Variants in SYNE1 observed in about 807,000 individuals in gnomAD.
SYNE1 encodes the protein spectrin repeat containing nuclear envelope protein 1, also known as nesprin-1.
Under a neutral mutation model 1,111.0 loss-of-function variants are expected in SYNE1, and 616 were observed. The ratio of observed to expected loss-of-function variants is 0.55; its 90% CI spans 0.52 to 0.59. SYNE1 has a LOEUF of 0.59. SYNE1 is among the 20% of genes least tolerant of loss of function. SYNE1 has a pLI of 0.00. For synonymous variants in SYNE1, 3,855 were observed against 3,825.8 expected (o/e 1.01, Z -0.28); for missense variants, 10,006 against 10,417.0 (o/e 0.96, Z 1.72).
At chr6:152,231,802 G>GTATATA (rs10668582) in intron 113 of SYNE1, among the ~76,000 whole-genome samples, 1 of 149,518 alleles carries the variant, frequency 6.7e-6, no homozygotes, top group African/African-American at 2.5e-5. Flanking sequence ...GTGTGTGTGT[G>GTATATA]TATATATATA....
At chr6:152,572,708 A>G (rs1390306254) in intron 3 of SYNE1, among the ~76,000 whole-genome samples, 1 of 152,208 alleles carries the variant, frequency 6.6e-6, no homozygotes, top group Admixed American at 6.5e-5. Flanking sequence ...GATGAAGAGT[A>G]ACTTAAAAAG....
At chr6:152,262,658 C>T (rs1282931239) in intron 100 of SYNE1, among the ~76,000 whole-genome samples, 2 of 151,044 alleles carry the variant, frequency 1.3e-5, no homozygotes, top group Non-Finnish European at 2.9e-5. Flanking sequence ...GAGGAAGGAT[C>T]GTACAGGACC....
chr6:152,472,158 C>T, intron 15 of SYNE1, 143 bp downstream of exon 15: 2 of 686,070 alleles, frequency 2.9e-6, no homozygotes, highest in South Asian at 1.8e-5. Flanking sequence ...GCATTCTTAG[C>T]ATGTCTTATG....
intron 3 of SYNE1, among the ~76,000 whole-genome samples, chr6:152,625,928 G>A (rs565174685): frequency 6.6e-6 from 1 of 152,160 alleles, no homozygotes; most frequent in African/African-American, 2.4e-5. Context: ...TTCTGAGAGG[G>A]GCTAAGCAGA....
At chr6:152,269,962 C>T (rs1444326821) in intron 98 of SYNE1, among the ~76,000 whole-genome samples, 4 of 152,172 alleles carry the variant, frequency 2.6e-5, no homozygotes, top group Non-Finnish European at 4.4e-5. Flanking sequence ...GCCGGCTGGA[C>T]ATCCTCTGTT....
chr6:152,526,844 G>A (rs1564645494), intron 4 of SYNE1, among the ~76,000 whole-genome samples: 4 of 152,118 alleles, frequency 2.6e-5, no homozygotes, highest in Admixed American at 2.0e-4. Flanking sequence ...ATCTATCATC[G>A]CTGCTGGAAA....
At chr6:152,591,497 A>G (rs2099565641) in intron 3 of SYNE1, among the ~76,000 whole-genome samples, 1 of 152,236 alleles carries the variant, frequency 6.6e-6, no homozygotes, top group Non-Finnish European at 1.5e-5. Flanking sequence ...TTCACCATAT[A>G]CAAAAATTAA....
intron 87 of SYNE1, among the ~76,000 whole-genome samples, chr6:152,314,187 T>C (rs903704194): frequency 6.6e-6 from 1 of 152,226 alleles, no homozygotes; most frequent in Non-Finnish European, 1.5e-5. Flanking sequence ...AGTCTGAACT[T>C]GTCCTTTGCA....
At chr6:152,347,775 G>C (rs1042330259) in intron 72 of SYNE1, among the ~76,000 whole-genome samples, 7 of 150,614 alleles carry the variant, frequency 4.6e-5, no homozygotes, top group African/African-American at 1.7e-4. Flanking sequence ...CCACCTCCCA[G>C]GTTCTAGCAA....
At chr6:152,615,204 T>C (rs2099642487) in intron 3 of SYNE1, among the ~76,000 whole-genome samples, 1 of 152,196 alleles carries the variant, frequency 6.6e-6, no homozygotes, top group Admixed American at 6.6e-5. Context: ...AAGTGTCACC[T>C]AGGAAGCTAT....
At chr6:152,336,210 C>T (rs1459470170) in intron 76 of SYNE1, 6 of 158,364 alleles carry the variant, frequency 3.8e-5, no homozygotes, top group African/African-American at 1.4e-4. Flanking sequence ...AAGCAGTCTA[C>T]TCTGTAGACT....
At chr6:152,343,809 TC>T (rs1411144635) in intron 74 of SYNE1, among the ~76,000 whole-genome samples, 1 of 151,530 alleles carries the variant, frequency 6.6e-6, no homozygotes, top group African/African-American at 2.4e-5. Flanking sequence ...CTCAAGTGAT[TC>T]GCCCGTTTTG....
At chr6:152,323,073 C>A (rs918639415) in intron 82 of SYNE1, among the ~76,000 whole-genome samples, 1 of 152,120 alleles carries the variant, frequency 6.6e-6, no homozygotes. Flanking sequence ...GTGATGGGAA[C>A]GGATCCCCAC....
chr6:152,416,652 T>C lies in SYNE1; in HGVS notation c.5785A>G (p.Ile1929Val), dbSNP rs776844224. The C allele has an allele frequency of 6.2e-7, 1 of 1,614,226 alleles. No individual in the cohort carries two copies. The change falls in exon 41 of 146, where the codon ATT becomes GTT. Residue 1929 changes from isoleucine to valine, a missense_variant. Ile to Val is a conservative substitution (Grantham distance 29, BLOSUM62 3). Around this residue, in one of 7 missense-constraint regions of SYNE1, gnomAD observed 4,955 missense variants for 5,017.2 expected, o/e 0.99. Transcript: ENST00000367255. ...AGATGGTATTGGGCTTTGGAAAGAA[T>C]GCCATCCAGACTGACGGCAGCAGAT... Reference protein sequence around the residue: ...LESAAVSLDGILSKAQYHLKI... With the variant: ...LESAAVSLDGVLSKAQYHLKI...
chr6:152,477,546 T>C (rs529010786), intron 14 of SYNE1, among the ~76,000 whole-genome samples: 267 of 152,340 alleles, frequency 1.8e-3, no homozygotes, highest in African/African-American at 6.2e-3. Flanking sequence ...GAGGCTTCAC[T>C]GACAACCCTA....
rs886042947 is a variant in SYNE1 at position 152,136,651 on chromosome 6, C to A, written c.25626G>T (p.Arg8542=). 6.2e-7 allele frequency: 1 copy of A among 1,614,046 alleles called. No individual in the cohort carries two copies. The highest frequency in any genetic ancestry group is 8.5e-7 in the Non-Finnish European group (1 of 1,180,048). The change falls in exon 141 of 146, where the codon CGG becomes CGT. Residue 8542 remains arginine (R), a synonymous_variant. Transcript: ENST00000367255. Reference sequence around the variant, plus strand: ...GCATCAGGGCATCCTGCAGCAGGCCCCGCCACTCCTCCAGCAGAGAGCACA... The same window carrying A: ...GCATCAGGGCATCCTGCAGCAGGCCACGCCACTCCTCCAGCAGAGAGCACA... ...DRVCSLLEEW[R]GLLQDALMQC... is the part of the protein sequence containing the mutation.
chr6:152,532,661 G>A (rs2099209877), intron 4 of SYNE1, among the ~76,000 whole-genome samples: 1 of 152,140 alleles, frequency 6.6e-6, no homozygotes, highest in Admixed American at 6.5e-5. Context: ...CAAGGCAAGG[G>A]TTGACTCTCC....
At chr6:152,209,436 T>C (rs144105787) in intron 124 of SYNE1, among the ~76,000 whole-genome samples, 187 of 152,274 alleles carry the variant, frequency 1.2e-3, no homozygotes, top group African/African-American at 4.3e-3. Context: ...AAATTTCGTA[T>C]GCCCTCTCAT....
At chr6:152,604,489 C>T (rs535304647) in intron 3 of SYNE1, among the ~76,000 whole-genome samples, 3 of 151,670 alleles carry the variant, frequency 2.0e-5, no homozygotes, top group South Asian at 2.1e-4. Context: ...TTTTTTGTAG[C>T]GATAAGGTTT....
Sources: allele counts gnomAD v4.1 joint callset (sites outside exome capture counted in the v4.1 genomes callset), GRCh38; gene constraint gnomAD v4.1.1; regional missense constraint gnomAD v4.1.1; transcripts MANE v1.5; gene names NCBI Gene and HGNC (gene_info 2026-07-23, HGNC 2026-07-21).